Variants in HLA-B observed in about 807,000 individuals in gnomAD.
The protein encoded by HLA-B is major histocompatibility complex, class I, B.
In HLA-B, 31 loss-of-function variants were observed where a neutral mutation model predicts 41.5. The observed-to-expected ratio is 0.75, with a 90% CI of 0.56 to 1.01. HLA-B has a LOEUF of 1.01. Ranked by LOEUF, HLA-B falls within the 50% of genes least tolerant of loss-of-function variation. HLA-B has a pLI of 0.00. For synonymous variants in HLA-B, 138 were observed against 189.0 expected, an observed-to-expected ratio of 0.73 and a Z score of 2.21; for missense variants, 369 against 457.2, an observed-to-expected ratio of 0.81 and a Z score of 1.76.
In HLA-B at chr6:31,356,148, TC is replaced by T; in HGVS notation, c.619+18del. The T allele has an allele frequency of 3.1e-6, 4 of 1,289,796 alleles. No homozygotes were observed. Among genetic ancestry groups the T allele is most frequent in the Non-Finnish European group, 4.0e-6 (4 of 993,072 alleles). The allele number at this position is 1,289,796 out of a possible 1,614,324, so 79.9% of individuals were successfully genotyped here. On this transcript the variant is annotated intron_variant, in intron 3 of 7. Coordinates refer to ENST00000412585, the MANE Select transcript of HLA-B (RefSeq NM_005514.8). ...GCGACCTATAGGAGATGGGGAAGGCTCCCCACTGCCCCTGGTACCAGCGCGC... is the reference window on the plus strand; with the variant it reads ...GCGACCTATAGGAGATGGGGAAGGCTCCCACTGCCCCTGGTACCAGCGCGC...
chr6:31,354,423 G>GCCCCCTTC, intron 7 of HLA-B, 56 bp downstream of exon 7: 3 of 318,272 alleles, frequency 9.4e-6, no homozygotes, highest in South Asian at 2.4e-5. Flanking sequence ...TTTCCCCTCT[G>GCCCCCTTC]CCCCACCCAC....
Position 31,354,316 on chromosome 6 carries a change from T to G in HLA-B, c.*5-20A>C, listed in dbSNP as rs1209899339. The stretch of plus-strand genomic sequence containing the variant: ...CTCAGGCTACAGAAAACAACAGTCA[T>G]GAACAAATTCTGGTTAGTCATGGTA... On this transcript the variant is annotated intron_variant, in intron 7 of 7. Transcript: ENST00000412585. 1 of 589,574 alleles carries G rather than the reference T, an allele frequency of 1.7e-6. No individual in the cohort carries two copies. Among genetic ancestry groups the G allele is most frequent in the Non-Finnish European group, 3.2e-6 (1 of 315,604 alleles). The allele number at this position is 589,574 out of a possible 1,614,324, so 36.5% of individuals were successfully genotyped here. A position where few individuals can be genotyped will look rare whatever the true frequency, so the allele number is the denominator to read the frequency against.
In HLA-B at chr6:31,355,029, AG is replaced by A. The variant is rs921598185; in HGVS notation, c.1012+77del. 3 of 486,668 alleles carry A rather than the reference AG, an allele frequency of 6.2e-6. 1 individual carries two copies. In the Admixed American group the frequency reaches 1.0e-4, roughly 17 times the overall value. The allele number at this position is 486,668 out of a possible 1,614,324, so 30.1% of individuals were successfully genotyped here. On this transcript the variant is annotated intron_variant, in intron 5 of 7. Transcript: ENST00000412585. Reference sequence around the variant, plus strand: ...GCATGCTGCTTCCCAGTAATGAGGCAGGGAACACTTCTACCTGGGGCTTGAA... The same window carrying A: ...GCATGCTGCTTCCCAGTAATGAGGCAGGAACACTTCTACCTGGGGCTTGAA...
chr6:31,356,873 TC>T lies in HLA-B; in HGVS notation c.157del (p.Asp53ThrfsTer6). 1 of 1,155,184 alleles carries T rather than the reference TC, an allele frequency of 8.7e-7. No individual in the cohort carries two copies. Among genetic ancestry groups the T allele is most frequent in the Non-Finnish European group, 1.2e-6 (1 of 866,572 alleles). The allele number at this position is 1,155,184 out of a possible 1,614,324, so 71.6% of individuals were successfully genotyped here. On this transcript the variant is annotated frameshift_variant, in exon 2 of 8. Transcript: ENST00000412585. LOFTEE classifies it high-confidence loss of function. The part of the protein sequence containing the change: ...EPRFISVGYV[D>X]DTQFVRFDSD... ...GTCGAACCTCACGAACTGGGTGTCG[TC>T]CACGTAGCCCACTGAGATGAAGCGG...
At chr6:31,355,855 C>T in intron 3 of HLA-B, 1 of 645,044 alleles carries the variant, frequency 1.6e-6, no homozygotes, top group Non-Finnish European at 2.8e-6. Context: ...GAGCCCCAAA[C>T]ACACTGAGTG....
At chr6:31,355,718 AC>A (rs1562165323) in intron 3 of HLA-B, 126 bp from the exon 4 acceptor site, 3 of 831,772 alleles carry the variant, frequency 3.6e-6, no homozygotes, top group Admixed American at 2.4e-5. Flanking sequence ...GAACCCAGAC[AC>A]CAGCCTGGAC....
chr6:31,354,420 T>A (rs2428494), intron 7 of HLA-B, 59 bp downstream of exon 7: 128,769 of 308,972 alleles, frequency 0.42, 29,818 homozygotes, highest in African/African-American at 0.45. Context: ...GCCTTTCCCC[T>A]CTGCCCCACC....
At chr6:31,355,780 C>T (rs2394985) in intron 3 of HLA-B, 188 bp from the exon 4 acceptor site, 8,705 of 681,606 alleles carry the variant, frequency 0.013, 188 homozygotes, top group Middle Eastern at 0.043. Context: ...AGTCTCTGAG[C>T]GGGGAACAGG....
chr6:31,353,968 A>T lies in HLA-B; in HGVS notation c.*333T>A, dbSNP rs1469156421. ...ACCTCTCATAGCAAATATTTGAGAA[A>T]ACAAATTTATATTCAGATTCTTATT... On this transcript the variant is annotated 3_prime_UTR_variant, in exon 8 of 8. Coordinates refer to ENST00000412585, the MANE Select transcript of HLA-B (RefSeq NM_005514.8). The T allele has an allele frequency of 1.4e-5, 5 of 357,024 alleles. No individual in the cohort carries two copies. The highest frequency in any genetic ancestry group is 4.1e-5 in the African/African-American group (2 of 48,470). The allele number at this position is 357,024 out of a possible 1,614,324, so 22.1% of individuals were successfully genotyped here.
chr6:31,355,936 C>T, intron 3 of HLA-B: 1 of 533,842 alleles, frequency 1.9e-6, no homozygotes, highest in Non-Finnish European at 3.3e-6. Flanking sequence ...AAAGGGGACC[C>T]CTGATCAGTA....
intron 7 of HLA-B, 39 bp downstream of exon 7, chr6:31,354,440 A>AACCCCCCCCCCCCCCCC: frequency 1.6e-5 from 5 of 308,258 alleles, no homozygotes; most frequent in East Asian, 7.9e-5. Context: ...CCACCCCCAG[A>AACCCCCCCCCCCCCCCC]CCCGCCACCC....
intron 5 of HLA-B, 196 bp downstream of exon 5, chr6:31,354,911 T>C (rs2596498): frequency 0.23 from 70,724 of 301,976 alleles, 13,256 homozygotes; most frequent in South Asian, 0.28. Flanking sequence ...ACCACAACCA[T>C]CAAGGTGATA....
At position 31,355,401 on chromosome 6, in the gene HLA-B, C is replaced by T; in HGVS notation, c.811G>A (p.Val271Met). The change falls in exon 4 of 8, where the codon GTG (valine) becomes ATG (methionine). Residue 271 changes from valine to methionine, a missense_variant. Physicochemically the swap from Val to Met is conservative, Grantham distance 21. Around this residue, in one of 6 missense-constraint regions of HLA-B, gnomAD observed 23 missense variants for 37.0 expected, o/e 0.62. Transcript: ENST00000412585. ...GDRTFQKWAA[V>M]VVPSGEEQRY... ...TGCTCTTCTCCAGAAGGCACCACCA[C>T]AGCTGCCCACTTCTGGAAGGTTCTA... The T allele has an allele frequency of 6.3e-7, 1 of 1,585,748 alleles. No homozygotes were observed.
In HLA-B at chr6:31,356,913, CG is replaced by C. The variant is rs76032827; in HGVS notation, c.117del (p.Gly40AlafsTer19). 1 of 1,091,788 alleles carries C rather than the reference CG, an allele frequency of 9.2e-7. No homozygotes were observed. The highest frequency in any genetic ancestry group is 1.2e-6 in the Non-Finnish European group (1 of 816,848). 67.6% of individuals were successfully genotyped at this position (1,091,788 alleles called of 1,614,324 possible). On this transcript the variant is annotated frameshift_variant, in exon 2 of 8. Transcript: ENST00000412585. LOFTEE classifies it high-confidence loss of function. ...GAGATGAAGCGGGGCTCCCCGCGGCCGGGCCGGGACACGGAGGTGTAGAAAT... is the reference window on the plus strand; with the variant it reads ...GAGATGAAGCGGGGCTCCCCGCGGCCGGCCGGGACACGGAGGTGTAGAAAT... ...MRYFYTSVSRPGRGEPRFISV... is the reference protein window; with the variant it reads ...MRYFYTSVSRXGRGEPRFISV...
rs1291880474 is a variant in HLA-B at position 31,355,392 on chromosome 6, G to C, written c.820C>G (p.Pro274Ala). The C allele has an allele frequency of 6.3e-7, 1 of 1,585,994 alleles. No individual in the cohort carries two copies. The highest frequency in any genetic ancestry group is 8.5e-7 in the Non-Finnish European group (1 of 1,172,142). ...TFQKWAAVVVPSGEEQRYTCH... is the reference protein window; with the variant it reads ...TFQKWAAVVVASGEEQRYTCH... ...GTGTATCTCTGCTCTTCTCCAGAAG[G>C]CACCACCACAGCTGCCCACTTCTGG... The change falls in exon 4 of 8, where the codon CCT becomes GCT. Residue 274 changes from proline to alanine, a missense_variant. Physicochemically the swap from Pro to Ala is conservative, Grantham distance 27. Coordinates refer to ENST00000412585, the MANE Select transcript of HLA-B (RefSeq NM_005514.8).
chr6:31,356,350 C>T lies in HLA-B; in HGVS notation c.436G>A (p.Asp146Asn), dbSNP rs41561814. 1.7e-6 allele frequency: 2 copies of T among 1,207,886 alleles called. No individual in the cohort carries two copies. Among genetic ancestry groups the T allele is most frequent in the Non-Finnish European group, 2.2e-6 (2 of 913,922 alleles). 74.8% of individuals were successfully genotyped at this position (1,207,886 alleles called of 1,614,324 possible). Reference protein sequence around the residue: ...GHDQYAYDGKDYIALNEDLRS... With the variant: ...GHDQYAYDGKNYIALNEDLRS... ...AGGTCCTCGTTCAGGGCGATGTAATCCTTGCCGTCGTAGGCGTACTGGTCA... is the reference window on the plus strand; with the variant it reads ...AGGTCCTCGTTCAGGGCGATGTAATTCTTGCCGTCGTAGGCGTACTGGTCA... The change falls in exon 3 of 8, where the codon GAT (aspartate) becomes AAT (asparagine). Residue 146 changes from aspartate to asparagine, a missense_variant. Asp to Asn is a conservative substitution (Grantham distance 23, BLOSUM62 1). Coordinates refer to ENST00000412585, the MANE Select transcript of HLA-B (RefSeq NM_005514.8).
rs750871285 is a variant in HLA-B, at chr6:31,354,634, C to G, written c.1044G>C (p.Ala348=). Residue 348 remains alanine, a splice_region_variant and synonymous_variant, in exon 6 of 8, where the codon GCG becomes GCC. Coordinates refer to ENST00000412585, the MANE Select transcript of HLA-B (RefSeq NM_005514.8). ...GGKGGSYSQA[A]CSDSAQGSDV... is the part of the protein sequence containing the mutation. ...CACACTCCCACCCCCACCACTTACACGCAGCCTGAGAGTAGCTCCCTCCTT... is the reference window on the plus strand; with the variant it reads ...CACACTCCCACCCCCACCACTTACAGGCAGCCTGAGAGTAGCTCCCTCCTT... 22 of 1,410,916 alleles carry G rather than the reference C, an allele frequency of 1.6e-5. No individual in the cohort carries two copies. Among genetic ancestry groups the G allele is most frequent in the Non-Finnish European group, 2.0e-5 (21 of 1,065,448 alleles). The allele number at this position is 1,410,916 out of a possible 1,614,324, so 87.4% of individuals were successfully genotyped here.
intron 5 of HLA-B, 45 bp from the exon 6 acceptor site, chr6:31,354,710 G>A (rs3819294): frequency 0.07 from 71,575 of 1,026,072 alleles, 3,927 homozygotes; most frequent in East Asian, 0.15. Context: ...AGGAAGCAGG[G>A]CCATGAGATC....
In HLA-B at chr6:31,355,133, G is replaced by C; in HGVS notation, c.986C>G (p.Ala329Gly). The C allele has an allele frequency of 9.2e-7, 1 of 1,086,506 alleles. No individual in the cohort carries two copies. The highest frequency in any genetic ancestry group is 1.2e-6 in the Non-Finnish European group (1 of 841,202). The allele number at this position is 1,086,506 out of a possible 1,614,324, so 67.3% of individuals were successfully genotyped here. A position where few individuals can be genotyped will look rare whatever the true frequency, so the allele number is the denominator to read the frequency against. Reference sequence around the variant, plus strand: ...TGAACTCTTCCTCCTACACATCACAGCAGCGACCACAGCTCCGATGACCAC... The same window carrying C: ...TGAACTCTTCCTCCTACACATCACACCAGCGACCACAGCTCCGATGACCAC... ...AVVVIGAVVAAVMCRRKSSGG... is the reference protein window; with the variant it reads ...AVVVIGAVVAGVMCRRKSSGG... Residue 329 changes from alanine (A) to glycine (G), a missense_variant, in exon 5 of 8, where the codon GCT becomes GGT. Physicochemically the swap from Ala to Gly is moderately conservative, Grantham distance 60. This residue lies in a region of HLA-B where 115 missense variants were observed against 78.7 expected (regional missense o/e 1.46). Coordinates refer to ENST00000412585, the MANE Select transcript of HLA-B (RefSeq NM_005514.8).
Sources: gnomAD v4.1 joint callset for allele counts on GRCh38, gnomAD v4.1.1 for gene constraint, gnomAD v4.1.1 regional missense constraint, MANE v1.5 for transcripts, NCBI Gene and HGNC (gene_info 2026-07-23, HGNC 2026-07-21) for gene names.